The following MLLT10 variants were observed in gnomAD, a reference collection of about 807,000 sequenced individuals.
MLLT10 encodes MLLT10 histone lysine methyltransferase DOT1L cofactor.
A neutral mutation model predicts 129.1 loss-of-function variants in MLLT10; 30 were observed. The ratio of observed to expected loss-of-function variants is 0.23; its 90% CI spans 0.17 to 0.32. The LOEUF (loss-of-function observed/expected upper bound fraction) is 0.32. Ranked by LOEUF, MLLT10 falls within the 10% of genes least tolerant of loss-of-function variation. The pLI is 1.00. For synonymous variants in MLLT10, 490 were observed against 446.4 expected (o/e 1.10, Z -1.23); for missense variants, 1,119 against 1,268.3 (o/e 0.88, Z 1.79).
chr10:21,664,663 G>A (rs771345578), intron 9 of MLLT10, among the ~76,000 whole-genome samples: 2 of 152,074 alleles, frequency 1.3e-5, no homozygotes, highest in Non-Finnish European at 2.9e-5. Context: ...ATTAGGTCAA[G>A]TTGATTTATA....
chr10:21,597,465 G>A (rs111414414), intron 5 of MLLT10, among the ~76,000 whole-genome samples: 71 of 152,256 alleles, frequency 4.7e-4, no homozygotes, highest in Middle Eastern at 3.4e-3. Flanking sequence ...CACCTCCTGG[G>A]TTCAAGTGAT....
chr10:21,691,111 G>A (rs538248463), intron 13 of MLLT10, among the ~76,000 whole-genome samples: 119 of 152,270 alleles, frequency 7.8e-4, no homozygotes, highest in African/African-American at 2.6e-3. Flanking sequence ...TCGGACATCA[G>A]AATAAAGGCA....
chr10:21,642,750 G>T (rs1424488890), intron 8 of MLLT10, among the ~76,000 whole-genome samples: 2 of 152,000 alleles, frequency 1.3e-5, no homozygotes, highest in Non-Finnish European at 1.5e-5. Context: ...TGGCTAAAGA[G>T]AATCAATTTC....
intron 3 of MLLT10, among the ~76,000 whole-genome samples, chr10:21,562,418 A>G (rs1246204991): frequency 2.0e-5 from 3 of 150,070 alleles, no homozygotes; most frequent in African/African-American, 7.4e-5. Context: ...GCTCACTGCA[A>G]CCTCTGCCTC....
chr10:21,703,918 G>C (rs956147917), intron 13 of MLLT10, among the ~76,000 whole-genome samples: 2 of 149,654 alleles, frequency 1.3e-5, no homozygotes, highest in African/African-American at 4.9e-5. Context: ...TTTTGACTGG[G>C]TTATTTCAAA....
chr10:21,720,743 G>A (rs1306778189), intron 14 of MLLT10, among the ~76,000 whole-genome samples: 1 of 152,142 alleles, frequency 6.6e-6, no homozygotes, highest in Non-Finnish European at 1.5e-5. Flanking sequence ...AATATAATTG[G>A]TAAGTTGTAT....
At chr10:21,681,279 C>T (rs1463752684) in intron 11 of MLLT10, 53 bp from the exon 12 acceptor site, 5 of 1,607,828 alleles carry the variant, frequency 3.1e-6, no homozygotes, top group Non-Finnish European at 4.2e-6. Context: ...TTTTTTTACC[C>T]TTGAGTCACT....
intron 13 of MLLT10, among the ~76,000 whole-genome samples, chr10:21,684,609 A>T (rs552007640): frequency 4.6e-5 from 7 of 152,150 alleles, no homozygotes; most frequent in Non-Finnish European, 1.0e-4. Flanking sequence ...TGTTTCAGCA[A>T]ACTCCTAACC....
At chr10:21,729,826 C>G (rs1172391056) in intron 16 of MLLT10, among the ~76,000 whole-genome samples, 1 of 152,040 alleles carries the variant, frequency 6.6e-6, no homozygotes, top group Non-Finnish European at 1.5e-5. Flanking sequence ...AGCTGGAGAC[C>G]GGAAATGGCC....
chr10:21,597,234 T>C (rs1407331981), intron 5 of MLLT10, among the ~76,000 whole-genome samples: 3 of 152,162 alleles, frequency 2.0e-5, no homozygotes, highest in African/African-American at 7.2e-5. Context: ...GAATATACAA[T>C]ATGCCGTCAA....
At chr10:21,575,890 A>G (rs1294895960) in intron 3 of MLLT10, among the ~76,000 whole-genome samples, 2 of 151,846 alleles carry the variant, frequency 1.3e-5, no homozygotes, top group African/African-American at 2.4e-5. Flanking sequence ...TCTCTTTACT[A>G]TGTAGCCACT....
intron 11 of MLLT10, among the ~76,000 whole-genome samples, chr10:21,677,735 C>T (rs2052330771): frequency 1.3e-5 from 2 of 152,188 alleles, no homozygotes; most frequent in South Asian, 2.1e-4. Flanking sequence ...TTATGTATTA[C>T]ATCATCACAA....
chr10:21,653,190 G>A (rs891414895), intron 9 of MLLT10, among the ~76,000 whole-genome samples: 2 of 152,144 alleles, frequency 1.3e-5, no homozygotes, highest in Non-Finnish European at 2.9e-5. Context: ...TCTAATTAGG[G>A]TCTCTCAAGG....
intron 9 of MLLT10, 135 bp downstream of exon 9, chr10:21,651,903 CTTTTTTTTTTTTTTTTT>C (rs775460288): frequency 2.2e-5 from 3 of 133,736 alleles, no homozygotes; most frequent in South Asian, 8.6e-5. Context: ...ATTCTCATTT[CTTTTTTTTTTTTTTTTT>C]TTTTTTTTTT....
intron 5 of MLLT10, among the ~76,000 whole-genome samples, chr10:21,607,706 A>G (rs1384016532): frequency 6.6e-6 from 1 of 152,206 alleles, no homozygotes; most frequent in East Asian, 1.9e-4. Context: ...TGGCAATACA[A>G]TTTGTAGACA....
At chr10:21,548,884 G>A (rs2036525404) in intron 3 of MLLT10, among the ~76,000 whole-genome samples, 1 of 151,892 alleles carries the variant, frequency 6.6e-6, no homozygotes. Flanking sequence ...CATACTTATT[G>A]TAAAGATTCT....
chr10:21,583,959 T>C (rs1278744610), intron 3 of MLLT10, among the ~76,000 whole-genome samples: 1 of 151,646 alleles, frequency 6.6e-6, no homozygotes, highest in Non-Finnish European at 1.5e-5. Flanking sequence ...AAGCTCCGCC[T>C]CCTGGGTTCA....
At chr10:21,651,829 C>T in intron 9 of MLLT10, 61 bp downstream of exon 9, 8 of 1,121,794 alleles carry the variant, frequency 7.1e-6, no homozygotes, top group South Asian at 3.0e-5. Context: ...TGATTTTCAC[C>T]TCTAAAAACT....
chr10:21,655,654 A>C (rs1194998448), intron 9 of MLLT10, among the ~76,000 whole-genome samples: 1 of 152,134 alleles, frequency 6.6e-6, no homozygotes, highest in African/African-American at 2.4e-5. Context: ...AATGGTTGCT[A>C]ATGTCTGGTA....
Sources: gnomAD v4.1 joint callset for allele counts (sites outside exome capture counted in the v4.1 genomes callset) on GRCh38, gnomAD v4.1.1 for gene constraint, MANE v1.5 for transcripts, NCBI Gene and HGNC (gene_info 2026-07-23, HGNC 2026-07-21) for gene names.